RBFOX3: variants seen among roughly 807,000 people sequenced by gnomAD.
The protein encoded by RBFOX3 is RNA binding fox-1 homolog 3, also known as RNA binding protein fox-1 homolog 3.
RBFOX3 carries 17 observed loss-of-function variants against 48.7 expected under a neutral mutation model. The observed-to-expected ratio is 0.35, with a 90% CI of 0.24 to 0.52. The LOEUF (loss-of-function observed/expected upper bound fraction) is 0.52. Ranked by LOEUF, RBFOX3 falls within the 20% of genes least tolerant of loss-of-function variation. RBFOX3 has a pLI of 0.94. For synonymous variants in RBFOX3, 212 were observed against 209.5 expected (o/e 1.01, Z -0.10); for missense variants, 382 against 497.5 (o/e 0.77, Z 2.21).
chr17:79,465,415 A>G (rs1342187126), intron 2 of RBFOX3, among the ~76,000 whole-genome samples: 2 of 152,130 alleles, frequency 1.3e-5, no homozygotes, highest in Non-Finnish European at 2.9e-5. Flanking sequence ...CTGGAGGGCC[A>G]CGGGTCGGGG....
intron 1 of RBFOX3, among the ~76,000 whole-genome samples, chr17:79,529,818 G>A (rs928199407): frequency 2.0e-5 from 3 of 152,180 alleles, no homozygotes; most frequent in African/African-American, 4.8e-5. Flanking sequence ...GGCAAACTCC[G>A]GCCAGGGCCA....
In RBFOX3 at chr17:79,242,602, G is replaced by A. The variant is rs1429319587; in HGVS notation, c.-73-6797C>T. ...AGGGAGCATAGGGCAGGAGAGGGCAGGGGAGGGAATCTGGCTTATGGCTCT... is the reference window on the plus strand; with the variant it reads ...AGGGAGCATAGGGCAGGAGAGGGCAAGGGAGGGAATCTGGCTTATGGCTCT... On this transcript the variant is annotated intron_variant, in intron 3 of 14. Transcript: ENST00000693108. This position sits in a 1 kb window ranked among gnomAD's most constrained non-coding sequence, Gnocchi z 5.8. 6.6e-6 allele frequency among the ~76,000 whole-genome samples: 1 copy of A among 152,022 alleles called. No individual in the cohort carries two copies. Among genetic ancestry groups the A allele is most frequent in the African/African-American group, 2.4e-5 (1 of 41,390 alleles).
At chr17:79,454,291 C>G (rs1555743385) in intron 2 of RBFOX3, among the ~76,000 whole-genome samples, 1 of 152,182 alleles carries the variant, frequency 6.6e-6, no homozygotes, top group African/African-American at 2.4e-5. Context: ...TCAGCATACC[C>G]CCAAATCCAG....
Position 79,162,726 on chromosome 17 carries a change from C to T in RBFOX3, c.-33-46978G>A, listed in dbSNP as rs571064660. On this transcript the variant is annotated intron_variant, in intron 4 of 14. Transcript: ENST00000693108. ...TTTGAACTGAGCTGTGCTAACAAAG[C>T]CCTCGGGTGTTGTGGGTGGTGTGGG... Among the ~76,000 whole-genome samples the T allele has an allele frequency of 4.8e-4, 73 of 152,286 alleles. 1 individual carries two copies. The highest frequency in any genetic ancestry group is 1.6e-3 in the African/African-American group (68 of 41,544).
At chr17:79,180,219 C>A (rs186069106) in intron 4 of RBFOX3, among the ~76,000 whole-genome samples, 1 of 152,274 alleles carries the variant, frequency 6.6e-6, no homozygotes, top group African/African-American at 2.4e-5. Flanking sequence ...GGGACACACC[C>A]CATCCCCAGC....
At chr17:79,370,578 G>GGC in intron 2 of RBFOX3, among the ~76,000 whole-genome samples, 1 of 146,682 alleles carries the variant, frequency 6.8e-6, no homozygotes, top group Admixed American at 6.7e-5. Flanking sequence ...CACTCACACA[G>GGC]GCACACACAC....
intron 4 of RBFOX3, among the ~76,000 whole-genome samples, chr17:79,181,550 A>G (rs557685973): frequency 6.6e-6 from 1 of 152,270 alleles, no homozygotes; most frequent in South Asian, 2.1e-4. Context: ...GGCTGTGTCC[A>G]GGAGTCCCCA....
chr17:79,519,274 C>A (rs954126045), intron 1 of RBFOX3, among the ~76,000 whole-genome samples: 1 of 152,236 alleles, frequency 6.6e-6, no homozygotes, highest in African/African-American at 2.4e-5. Flanking sequence ...AGGGCTCACA[C>A]TCCCCACAGA....
At chr17:79,520,082 C>T (rs1012549048) in intron 1 of RBFOX3, among the ~76,000 whole-genome samples, 7,048 of 152,260 alleles carry the variant, frequency 0.046, 305 homozygotes, top group African/African-American at 0.12. Flanking sequence ...TCGAGGACAC[C>T]GAGGCCCAGG....
intron 3 of RBFOX3, among the ~76,000 whole-genome samples, chr17:79,301,379 A>G (rs1197571071): frequency 6.6e-6 from 1 of 152,234 alleles, no homozygotes; most frequent in Non-Finnish European, 1.5e-5. Flanking sequence ...TGCAGCTCCC[A>G]TAAGCCTTGT....
At chr17:79,517,747 GA>G (rs1284294530) in intron 1 of RBFOX3, among the ~76,000 whole-genome samples, 2 of 152,306 alleles carry the variant, frequency 1.3e-5, no homozygotes, top group South Asian at 2.1e-4. Context: ...TGTGTTGGGG[GA>G]AAGTTATCAT....
At chr17:79,117,856 A>G (rs2147076295) in intron 4 of RBFOX3, among the ~76,000 whole-genome samples, 1 of 152,326 alleles carries the variant, frequency 6.6e-6, no homozygotes, top group South Asian at 2.1e-4. Flanking sequence ...AAAGCTTCAG[A>G]GAACAATGAC....
chr17:79,331,703 C>T (rs564207609), intron 2 of RBFOX3, among the ~76,000 whole-genome samples: 87 of 152,344 alleles, frequency 5.7e-4, no homozygotes, highest in African/African-American at 1.8e-3. Context: ...TAATTGACAC[C>T]GCAAGGACTT....
intron 4 of RBFOX3, among the ~76,000 whole-genome samples, chr17:79,226,318 T>G (rs1266511991): frequency 1.3e-5 from 2 of 152,200 alleles, no homozygotes; most frequent in Non-Finnish European, 2.9e-5. Context: ...GCAGCCCAAC[T>G]TGGGCTTTAA....
chr17:79,366,535 C>A (rs1215943804), intron 2 of RBFOX3, among the ~76,000 whole-genome samples: 3 of 152,216 alleles, frequency 2.0e-5, no homozygotes, highest in Admixed American at 2.0e-4. Flanking sequence ...ATCAAAACAT[C>A]ATGAATAGAG....
At chr17:79,253,161 A>G (rs1203582544) in intron 3 of RBFOX3, among the ~76,000 whole-genome samples, 2 of 152,076 alleles carry the variant, frequency 1.3e-5, no homozygotes, top group African/African-American at 4.8e-5. Context: ...GGAGGTAACC[A>G]CCACTCCTCC....
the RBFOX3 span, among the ~76,000 whole-genome samples, chr17:79,618,002 G>A: frequency 6.6e-6 from 1 of 152,206 alleles, no homozygotes; most frequent in African/African-American, 2.4e-5. Flanking sequence ...TCAGTGCCCA[G>A]TGGCTTTCAG....
chr17:79,297,667 T>C (rs1264453208), intron 3 of RBFOX3, among the ~76,000 whole-genome samples: 5 of 152,202 alleles, frequency 3.3e-5, no homozygotes, highest in African/African-American at 1.2e-4. Context: ...CAGGCCCAAG[T>C]CATGGTTTAT....
chr17:79,601,941 A>T (rs2093713929), intron 1 of RBFOX3: 1 of 152,232 alleles, frequency 6.6e-6, no homozygotes, highest in Non-Finnish European at 1.5e-5. Flanking sequence ...GCCGACGCAC[A>T]CACACAAGCA....
Sources: allele counts gnomAD v4.1 joint callset (sites outside exome capture counted in the v4.1 genomes callset), GRCh38; gene constraint gnomAD v4.1.1; non-coding constraint Gnocchi (gnomAD v3.1); transcripts MANE v1.5; gene names NCBI Gene and HGNC (gene_info 2026-07-23, HGNC 2026-07-21).